Variants in SERGEF observed in about 807,000 individuals in gnomAD.
SERGEF encodes the protein secretion-regulating guanine nucleotide exchange factor.
A neutral mutation model predicts 50.0 loss-of-function variants in SERGEF; 51 were observed. That is an observed-to-expected ratio of 1.02 (90% confidence interval 0.81 to 1.29). The LOEUF is 1.29. Ranked by LOEUF, SERGEF falls within the 50% of genes most tolerant of loss-of-function variation. SERGEF has a pLI of 0.00. For synonymous variants in SERGEF, 205 were observed against 212.4 expected (o/e 0.97, Z 0.30); for missense variants, 521 against 557.0 (o/e 0.94, Z 0.65).
chr11:17,941,559 T>C (rs767919042), intron 9 of SERGEF, among the ~76,000 whole-genome samples: 4 of 152,234 alleles, frequency 2.6e-5, no homozygotes, highest in Non-Finnish European at 5.9e-5. Flanking sequence ...TTGCTTCCAC[T>C]TTCTGGGTAT....
intron 5 of SERGEF, among the ~76,000 whole-genome samples, chr11:17,998,368 G>GT (rs1853879888): frequency 6.8e-6 from 1 of 147,126 alleles, no homozygotes; most frequent in Non-Finnish European, 1.5e-5. Context: ...AGTGAACCAT[G>GT]AACACACCAC....
chr11:17,931,485 T>C (rs1192504087), intron 9 of SERGEF, among the ~76,000 whole-genome samples: 1 of 152,116 alleles, frequency 6.6e-6, no homozygotes, highest in Non-Finnish European at 1.5e-5. Flanking sequence ...TACCCAACAT[T>C]CACTAAATGC....
At chr11:17,949,573 T>C (rs1852733939) in intron 9 of SERGEF, among the ~76,000 whole-genome samples, 1 of 152,046 alleles carries the variant, frequency 6.6e-6, no homozygotes, top group South Asian at 2.1e-4. Flanking sequence ...AGGGTTTTTG[T>C]GCAAGTAGAA....
At chr11:17,815,928 CAACA>C (rs553210508) in intron 10 of SERGEF, among the ~76,000 whole-genome samples, 3 of 152,110 alleles carry the variant, frequency 2.0e-5, no homozygotes, top group African/African-American at 7.2e-5. Context: ...CAAATAACAA[CAACA>C]AACAAACAAA....
chr11:17,888,628 TACACACACACAC>T lies in SERGEF; in HGVS notation c.1012-10396_1012-10385del, dbSNP rs58279017. Among the ~76,000 whole-genome samples the T allele has an allele frequency of 0.025, 3,640 of 143,830 alleles. 80 individuals are homozygous for T. The highest frequency in any genetic ancestry group is 0.055 in the South Asian group (233 of 4,264). 94.4% of individuals were successfully genotyped at this position (143,830 alleles called of 152,430 possible). On this transcript the variant is annotated intron_variant, in intron 9 of 10. Coordinates refer to ENST00000265965, the MANE Select transcript of SERGEF (RefSeq NM_012139.4). The surrounding 1 kb of genome is among the most constrained non-coding windows in gnomAD (Gnocchi z 4.1). ...AGTTATCAGTATGAACTCACAGTTTTACACACACACACACACACACACACACACACACACACA... is the reference window on the plus strand; with the variant it reads ...AGTTATCAGTATGAACTCACAGTTTTACACACACACACACACACACACACA...
chr11:17,955,411 A>T (rs1482981565), intron 9 of SERGEF, among the ~76,000 whole-genome samples: 1 of 152,186 alleles, frequency 6.6e-6, no homozygotes, highest in Non-Finnish European at 1.5e-5. Flanking sequence ...ACAGGTGTCA[A>T]CCAATGTTTA....
chr11:17,939,379 T>G (rs1368764282), intron 9 of SERGEF: 1 of 152,242 alleles, frequency 6.6e-6, no homozygotes, highest in Non-Finnish European at 1.5e-5. Flanking sequence ...TTCAGCTCCC[T>G]CCCCGGTCTG....
At position 17,852,112 on chromosome 11, in the gene SERGEF, G is replaced by A. The variant is rs1482793193; in HGVS notation, c.1048+26096C>T. Among the ~76,000 whole-genome samples, 4 of 152,086 alleles carry A rather than the reference G, an allele frequency of 2.6e-5. No individual in the cohort carries two copies. The East Asian group carries it at 5.8e-4, about 22-fold the overall frequency. ...TCTAATGAGTGTGTGGTACCATGCCGGGCCCTTTATACCCATGATCTCATC... is the reference window on the plus strand; with the variant it reads ...TCTAATGAGTGTGTGGTACCATGCCAGGCCCTTTATACCCATGATCTCATC... On this transcript the variant is annotated intron_variant, in intron 10 of 10. Transcript: ENST00000265965.
intron 10 of SERGEF, among the ~76,000 whole-genome samples, chr11:17,837,381 G>A (rs1404907580): frequency 6.6e-6 from 1 of 151,908 alleles, no homozygotes; most frequent in Non-Finnish European, 1.5e-5. Context: ...TGTGATGTTT[G>A]GGTAAAGGGG....
At chr11:17,936,047 G>A (rs374886004) in intron 9 of SERGEF, among the ~76,000 whole-genome samples, 32 of 152,188 alleles carry the variant, frequency 2.1e-4, no homozygotes, top group East Asian at 5.8e-4. Context: ...ATAATCTAAT[G>A]GTAAATCTGC....
At chr11:17,964,719 G>T (rs1161340305) in intron 8 of SERGEF, among the ~76,000 whole-genome samples, 1 of 152,104 alleles carries the variant, frequency 6.6e-6, no homozygotes, top group Non-Finnish European at 1.5e-5. Flanking sequence ...CTACCTATAG[G>T]TTTGTTATAT....
chr11:17,882,925 C>A (rs1004637957), intron 9 of SERGEF, among the ~76,000 whole-genome samples: 5 of 152,114 alleles, frequency 3.3e-5, no homozygotes, highest in African/African-American at 1.2e-4. Context: ...AACAGGACCC[C>A]ACTATAGAAA....
At chr11:17,849,973 C>T (rs979537969) in intron 10 of SERGEF, among the ~76,000 whole-genome samples, 4 of 152,048 alleles carry the variant, frequency 2.6e-5, no homozygotes, top group Admixed American at 1.3e-4. Flanking sequence ...TAACCGAATA[C>T]CACAGGCTGG....
At chr11:17,992,902 T>C (rs1853748310) in intron 7 of SERGEF, 29 bp downstream of exon 7, 1 of 1,594,414 alleles carries the variant, frequency 6.3e-7, no homozygotes. Context: ...CTGAATGGCA[T>C]GTTAAACCGT....
chr11:17,915,239 C>T (rs532882918), intron 9 of SERGEF, among the ~76,000 whole-genome samples: 1 of 152,270 alleles, frequency 6.6e-6, no homozygotes, highest in African/African-American at 2.4e-5. Flanking sequence ...CTGAAATATA[C>T]CAGATGCTGA....
intron 8 of SERGEF, among the ~76,000 whole-genome samples, chr11:17,974,633 A>G (rs569432286): frequency 6.6e-6 from 1 of 152,326 alleles, no homozygotes; most frequent in Non-Finnish European, 1.5e-5. Context: ...CAAGGGACCC[A>G]TTGGGTTCTA....
At chr11:18,002,587 C>T (rs1284724904) in intron 4 of SERGEF, among the ~76,000 whole-genome samples, 2 of 152,346 alleles carry the variant, frequency 1.3e-5, no homozygotes, top group East Asian at 3.9e-4. Context: ...CTCTATTTAA[C>T]TTTTGAGACC....
chr11:17,966,434 T>C (rs1853126913), intron 8 of SERGEF, among the ~76,000 whole-genome samples: 2 of 152,138 alleles, frequency 1.3e-5, no homozygotes, highest in African/African-American at 2.4e-5. Flanking sequence ...TTCCCATCTA[T>C]AAAATGAGAG....
chr11:17,858,982 G>A (rs751839349), intron 10 of SERGEF, among the ~76,000 whole-genome samples: 4 of 152,044 alleles, frequency 2.6e-5, no homozygotes, highest in South Asian at 2.1e-4. Flanking sequence ...GAGATCTGCC[G>A]TTCCTCTCAT....
Sources: gnomAD v4.1 joint callset for allele counts (sites outside exome capture counted in the v4.1 genomes callset) on GRCh38, gnomAD v4.1.1 for gene constraint, Gnocchi (gnomAD v3.1) non-coding constraint, MANE v1.5 for transcripts, NCBI Gene and HGNC (gene_info 2026-07-23, HGNC 2026-07-21) for gene names.